Variants in POMGNT2 observed in about 807,000 individuals in gnomAD.
The protein encoded by POMGNT2 is protein O-linked-mannose beta-1,4-N-acetylglucosaminyltransferase 2.
Under a neutral mutation model 37.8 loss-of-function variants are expected in POMGNT2, and 32 were observed. The observed-to-expected ratio is 0.85, with a 90% CI of 0.64 to 1.14. The LOEUF is 1.14. Among genes scored for constraint, POMGNT2 ranks in the 50% most tolerant of loss-of-function variants. POMGNT2 has a pLI of 0.00. For missense variants in POMGNT2, 705 were observed against 780.6 expected (o/e 0.90, Z 1.15); for synonymous variants, 340 against 336.8 (o/e 1.01, Z -0.10).
intron 1 of POMGNT2, among the ~76,000 whole-genome samples, chr3:43,086,979 T>G (rs1016117752): frequency 6.6e-6 from 1 of 152,116 alleles, no homozygotes; most frequent in South Asian, 2.1e-4. Context: ...CCAATGTGAC[T>G]ACCCTTAAAA....
At chr3:43,096,867 A>C (rs1184686205) in intron 1 of POMGNT2, among the ~76,000 whole-genome samples, 3 of 152,224 alleles carry the variant, frequency 2.0e-5, no homozygotes, top group Non-Finnish European at 4.4e-5. Flanking sequence ...CACTCCCCCA[A>C]ACCACTTTAC....
At chr3:43,082,523 G>A (rs909870701) in intron 1 of POMGNT2, among the ~76,000 whole-genome samples, 12 of 152,202 alleles carry the variant, frequency 7.9e-5, no homozygotes, top group African/African-American at 2.9e-4. Context: ...CACACTGACA[G>A]AGAGGCCTGG....
chr3:43,085,285 A>C (rs1002089421), intron 1 of POMGNT2, among the ~76,000 whole-genome samples: 1 of 152,118 alleles, frequency 6.6e-6, no homozygotes, highest in African/African-American at 2.4e-5. Context: ...GGTTACCCCT[A>C]GGCAAAGGTG....
At chr3:43,099,924 G>A (rs1175211913) in intron 1 of POMGNT2, among the ~76,000 whole-genome samples, 1 of 152,150 alleles carries the variant, frequency 6.6e-6, no homozygotes, top group Non-Finnish European at 1.5e-5. Context: ...ACTTTGCAAT[G>A]ATAATCTTTA....
intron 1 of POMGNT2, among the ~76,000 whole-genome samples, chr3:43,091,268 T>TAAA (rs35779506): frequency 6.7e-6 from 1 of 149,848 alleles, no homozygotes; most frequent in Non-Finnish European, 1.5e-5. Context: ...GTAAAAGTAT[T>TAAA]AAAAAAAAAA....
chr3:43,096,921 A>G (rs2125710052), intron 1 of POMGNT2, among the ~76,000 whole-genome samples: 1 of 152,340 alleles, frequency 6.6e-6, no homozygotes, highest in East Asian at 1.9e-4. Flanking sequence ...CCCCAGACTT[A>G]GTGAATCCTC....
rs954166238 is a variant in POMGNT2, at chr3:43,081,073, G to A, written c.359C>T (p.Ser120Phe). 6.2e-7 allele frequency: 1 copy of A among 1,614,132 alleles called. No individual in the cohort carries two copies. The highest frequency in any genetic ancestry group is 1.3e-5 in the African/African-American group (1 of 74,958). The change falls in exon 2 of 2, where the codon TCC (serine) becomes TTC (phenylalanine). Residue 120 changes from serine to phenylalanine, a missense_variant. Physicochemically the swap from Ser to Phe is radical, Grantham distance 155 (BLOSUM62 -2). Transcript: ENST00000344697. ...RRFQPALLDL[S>F]TVEDHNTQYF... ...CTGAGTGTTGTGGTCCTCCACGGTG[G>A]ATAGGTCGAGCAGGGCTGGCTGGAA...
At chr3:43,103,952 ATAT>A (rs529138591) in intron 1 of POMGNT2, among the ~76,000 whole-genome samples, 56 of 152,240 alleles carry the variant, frequency 3.7e-4, no homozygotes, top group Non-Finnish European at 7.1e-4. Flanking sequence ...TATTTTTCTA[ATAT>A]TATTATTAAT....
At chr3:43,088,021 C>T (rs2089912055) in intron 1 of POMGNT2, 1 of 152,206 alleles carries the variant, frequency 6.6e-6, no homozygotes, top group Non-Finnish European at 1.5e-5. Context: ...TGGTGATACT[C>T]AACCACTTTT....
At chr3:43,082,509 T>C (rs1400987807) in intron 1 of POMGNT2, among the ~76,000 whole-genome samples, 2 of 152,204 alleles carry the variant, frequency 1.3e-5, no homozygotes, top group Non-Finnish European at 2.9e-5. Context: ...CTCTCCCATA[T>C]ACACACACTG....
At chr3:43,086,588 G>A (rs990396902) in intron 1 of POMGNT2, among the ~76,000 whole-genome samples, 3 of 152,200 alleles carry the variant, frequency 2.0e-5, no homozygotes, top group African/African-American at 4.8e-5. Context: ...AGGGCCAAAC[G>A]TTGCAGCAGG....
At chr3:43,092,043 G>C (rs1270772153) in intron 1 of POMGNT2, among the ~76,000 whole-genome samples, 1 of 152,210 alleles carries the variant, frequency 6.6e-6, no homozygotes, top group African/African-American at 2.4e-5. Flanking sequence ...TGCAGTGTGG[G>C]ATTCTGGTTT....
Position 43,081,382 on chromosome 3 carries a change from G to A in POMGNT2, c.50C>T (p.Ala17Val), listed in dbSNP as rs771302608. The change falls in exon 2 of 2, where the codon GCG becomes GTG. Residue 17 changes from alanine to valine, a missense_variant. Ala to Val is a moderately conservative substitution (Grantham distance 64, BLOSUM62 0). Coordinates refer to ENST00000344697, the MANE Select transcript of POMGNT2 (RefSeq NM_032806.6). ...FNALLVSVLA[A>V]VLWKHVRLRE... ...CAGCCGCACATGCTTCCACAGGACC[G>A]CTGCCAGCACCGACACCAGGAGGGC... 50 of 1,603,714 alleles carry A rather than the reference G, an allele frequency of 3.1e-5. No homozygotes were observed. The highest frequency in any genetic ancestry group is 4.0e-5 in the Non-Finnish European group (47 of 1,176,798).
In POMGNT2 at chr3:43,079,591, A is replaced by C. The variant is rs1390425688; in HGVS notation, c.*98T>G. ...ATGATGTGGAGGCACAGGCCTGCTC[A>C]ATAAATAGTTCCCAGAAGTCTCCAC... On this transcript the variant is annotated 3_prime_UTR_variant, in exon 2 of 2. Coordinates refer to ENST00000344697, the MANE Select transcript of POMGNT2 (RefSeq NM_032806.6). 10 of 1,098,526 alleles carry C rather than the reference A, an allele frequency of 9.1e-6. No individual in the cohort carries two copies. The Admixed American group carries it at 2.1e-4, about 23-fold the overall frequency. The allele number at this position is 1,098,526 out of a possible 1,614,324, so 68.0% of individuals were successfully genotyped here.
At position 43,081,582 on chromosome 3, in the gene POMGNT2, TG is replaced by T. The variant is rs1316139882; in HGVS notation, c.-105-47del. 13 of 709,008 alleles carry T rather than the reference TG, an allele frequency of 1.8e-5. No individual in the cohort carries two copies. The African/African-American group carries it at 2.1e-4, about 12-fold the overall frequency. The allele number at this position is 709,008 out of a possible 1,614,324, so 43.9% of individuals were successfully genotyped here. A position where few individuals can be genotyped will look rare whatever the true frequency, so the allele number is the denominator to read the frequency against. On this transcript the variant is annotated intron_variant, in intron 1 of 1. Transcript: ENST00000344697. ...AAGAAAAAGGAATTGGCAGTCTTCC[TG>T]GCATCATTACAAGCTCCTGCTATGT...
At chr3:43,091,168 G>A (rs1300347199) in intron 1 of POMGNT2, among the ~76,000 whole-genome samples, 1 of 152,006 alleles carries the variant, frequency 6.6e-6, no homozygotes, top group Non-Finnish European at 1.5e-5. Flanking sequence ...TCTACAAAAA[G>A]GAACCAGAGC....
chr3:43,091,419 T>C (rs1026761808), intron 1 of POMGNT2, among the ~76,000 whole-genome samples: 16 of 152,144 alleles, frequency 1.1e-4, no homozygotes, highest in African/African-American at 3.6e-4. Flanking sequence ...TGAGTCAATA[T>C]TGATATGAAT....
intron 1 of POMGNT2, among the ~76,000 whole-genome samples, chr3:43,088,672 G>A (rs572623511): frequency 1.3e-5 from 2 of 152,212 alleles, no homozygotes; most frequent in African/African-American, 4.8e-5. Flanking sequence ...CGCATGCCAT[G>A]TTCCTACCCA....
At chr3:43,094,803 C>T (rs1266119968) in intron 1 of POMGNT2, among the ~76,000 whole-genome samples, 1 of 152,070 alleles carries the variant, frequency 6.6e-6, no homozygotes, top group East Asian at 1.9e-4. Flanking sequence ...TGACAAGGAA[C>T]TCCCTCTCAG....
Sources: gnomAD v4.1 joint callset for allele counts (sites outside exome capture counted in the v4.1 genomes callset) on GRCh38, gnomAD v4.1.1 for gene constraint, MANE v1.5 for transcripts, NCBI Gene and HGNC (gene_info 2026-07-23, HGNC 2026-07-21) for gene names.